The following DIP2C variants were observed in gnomAD, a reference collection of about 807,000 sequenced individuals.
DIP2C encodes the protein disco-interacting protein 2 homolog C.
DIP2C carries 33 observed loss-of-function variants against 192.4 expected under a neutral mutation model. The observed-to-expected ratio is 0.17, with a 90% CI of 0.13 to 0.23. The LOEUF (loss-of-function observed/expected upper bound fraction) is 0.23, where lower values mean the gene tolerates loss of function less well. DIP2C is among the 10% of genes least tolerant of loss of function. The probability of loss-of-function intolerance (pLI) is 1.00; values close to 1 mark genes in which losing one functional copy is unlikely to be tolerated. For missense variants in DIP2C, 1,537 were observed against 2,110.1 expected (o/e 0.73, Z 5.32); for synonymous variants, 979 against 864.1 (o/e 1.13, Z -2.33).
intron 1 of DIP2C, among the ~76,000 whole-genome samples, chr10:631,429 C>T (rs927950958): frequency 9.9e-5 from 15 of 152,196 alleles, no homozygotes; most frequent in Admixed American, 2.6e-4. Context: ...TAAGAACATC[C>T]GTCCGCAGGG....
chr10:299,602 C>T (rs902468343), intron 32 of DIP2C, among the ~76,000 whole-genome samples: 1 of 152,042 alleles, frequency 6.6e-6, no homozygotes, highest in Admixed American at 6.5e-5. Context: ...GGCTACCACA[C>T]CAAAAGTATA....
At chr10:653,766 G>A (rs1588688790) in intron 1 of DIP2C, among the ~76,000 whole-genome samples, 1 of 152,212 alleles carries the variant, frequency 6.6e-6, no homozygotes, top group African/African-American at 2.4e-5. Flanking sequence ...CGAGGACTCA[G>A]CAATCATCCA....
At chr10:623,786 G>T (rs1441040000) in intron 1 of DIP2C, among the ~76,000 whole-genome samples, 1 of 151,804 alleles carries the variant, frequency 6.6e-6, no homozygotes, top group Non-Finnish European at 1.5e-5. Context: ...GCTGAGGGGA[G>T]CAGGGGAGGG....
In DIP2C at chr10:420,439, C is replaced by T. The variant is rs573876365; in HGVS notation, c.605-1240G>A. Among the ~76,000 whole-genome samples the T allele has an allele frequency of 2.4e-4, 36 of 152,302 alleles. 1 individual carries two copies. In the Middle Eastern group the frequency reaches 0.017, roughly 72 times the overall value. ...AGAACTAAGGGGAGGGCCCGCCACA[C>T]CGCCCGTCAGTGCCACGACATTCCA... On this transcript the variant is annotated intron_variant, in intron 5 of 36. Coordinates refer to ENST00000280886, the MANE Select transcript of DIP2C (RefSeq NM_014974.3).
chr10:380,776 C>T (rs1393715120), intron 17 of DIP2C, among the ~76,000 whole-genome samples: 1 of 152,218 alleles, frequency 6.6e-6, no homozygotes, highest in Non-Finnish European at 1.5e-5. Flanking sequence ...TCACTTAGTA[C>T]AGCTTTACGG....
intron 1 of DIP2C, among the ~76,000 whole-genome samples, chr10:526,489 C>T (rs1032188860): frequency 1.3e-5 from 2 of 151,202 alleles, no homozygotes; most frequent in African/African-American, 4.9e-5. Context: ...GCTGTGTCAC[C>T]GTATCCGCTG....
rs149964694 is a variant in DIP2C at position 481,247 on chromosome 10, C to T, written c.157+5212G>A. Among the ~76,000 whole-genome samples the T allele has an allele frequency of 4.6e-3, 699 of 152,334 alleles. 6 individuals are homozygous for T. Among genetic ancestry groups the T allele is most frequent in the Non-Finnish European group, 4.9e-3 (331 of 68,038 alleles). On this transcript the variant is annotated intron_variant, in intron 2 of 36. Coordinates refer to ENST00000280886, the MANE Select transcript of DIP2C (RefSeq NM_014974.3). ...GCCAGCCAGCCACGTCTTCTAAAGA[C>T]GACAGAACAAAATGGCATTTACGTA...
chr10:514,124 G>A (rs540427268), intron 1 of DIP2C, among the ~76,000 whole-genome samples: 1 of 152,344 alleles, frequency 6.6e-6, no homozygotes, highest in South Asian at 2.1e-4. Context: ...CGGGGGGACA[G>A]AGGCTTCCTG....
intron 2 of DIP2C, chr10:484,718 C>T (rs1477083275): frequency 5.2e-6 from 8 of 1,550,502 alleles, no homozygotes; most frequent in Middle Eastern, 2.1e-4. Context: ...TGGCACTCGG[C>T]GGGTGGCCCT....
intron 1 of DIP2C, among the ~76,000 whole-genome samples, chr10:616,555 C>G (rs1853484719): frequency 6.6e-6 from 1 of 152,202 alleles, no homozygotes; most frequent in South Asian, 2.1e-4. Flanking sequence ...GACCAGGAAT[C>G]AAGTCTGAGC....
chr10:560,276 A>G (rs992045392), intron 1 of DIP2C, among the ~76,000 whole-genome samples: 1 of 152,174 alleles, frequency 6.6e-6, no homozygotes, highest in East Asian at 1.9e-4. Flanking sequence ...GGAGTCACAA[A>G]GAGGGGAGGT....
rs541323634 is a variant in DIP2C at position 384,150 on chromosome 10, A to C, written c.1757-4T>G. 3 of 1,610,172 alleles carry C rather than the reference A, an allele frequency of 1.9e-6. No individual in the cohort carries two copies. The African/African-American group carries it at 4.0e-5, about 22-fold the overall frequency. ...GATTTCACACACGCCACTTTTGCTA[A>C]AAAGAAAAATAGAAATAAGTTAACA... On this transcript the variant is annotated splice_region_variant and splice_polypyrimidine_tract_variant and intron_variant, in intron 15 of 36. Transcript: ENST00000280886.
chr10:305,317 C>T (rs986901259), intron 32 of DIP2C, among the ~76,000 whole-genome samples: 3 of 152,174 alleles, frequency 2.0e-5, no homozygotes, highest in Non-Finnish European at 4.4e-5. Flanking sequence ...GTATGCACAG[C>T]ACACTCACAC....
At chr10:436,663 G>A (rs113607827) in intron 4 of DIP2C, among the ~76,000 whole-genome samples, 18 of 148,464 alleles carry the variant, frequency 1.2e-4, no homozygotes, top group African/African-American at 3.8e-4. Flanking sequence ...CCACACCTGA[G>A]CTCTCTCCAA....
intron 3 of DIP2C, among the ~76,000 whole-genome samples, chr10:463,884 A>G (rs1008559905): frequency 6.6e-6 from 1 of 152,234 alleles, no homozygotes; most frequent in Non-Finnish European, 1.5e-5. Flanking sequence ...ACAAAAAGCA[A>G]GCAATGGGGA....
chr10:324,614 T>G (rs1470779389), intron 31 of DIP2C: 1 of 180,870 alleles, frequency 5.5e-6, no homozygotes, highest in East Asian at 1.6e-4. Flanking sequence ...CTGCCAAGAT[T>G]GCAAAATAAC....
chr10:461,845 G>A (rs1359445635), intron 3 of DIP2C, among the ~76,000 whole-genome samples: 1 of 152,174 alleles, frequency 6.6e-6, no homozygotes, highest in Non-Finnish European at 1.5e-5. Flanking sequence ...AGACTACAGT[G>A]CAATCAAATT....
chr10:609,013 A>G (rs190906430), intron 1 of DIP2C, among the ~76,000 whole-genome samples: 13 of 152,186 alleles, frequency 8.5e-5, no homozygotes, highest in Middle Eastern at 3.4e-3. Context: ...AGAAAACCCT[A>G]TAAGCATGAT....
At chr10:546,370 C>T (rs1032859906) in intron 1 of DIP2C, among the ~76,000 whole-genome samples, 4 of 151,930 alleles carry the variant, frequency 2.6e-5, no homozygotes, top group African/African-American at 9.7e-5. Context: ...AAACCATTTT[C>T]CAAAATAAGC....
Sources: gnomAD v4.1 joint callset for allele counts (sites outside exome capture counted in the v4.1 genomes callset) on GRCh38, gnomAD v4.1.1 for gene constraint, MANE v1.5 for transcripts, NCBI Gene and HGNC (gene_info 2026-07-23, HGNC 2026-07-21) for gene names.